SNX31: variants seen among roughly 807,000 people sequenced by gnomAD.
SNX31 encodes sorting nexin 31.
Under a neutral mutation model 65.4 loss-of-function variants are expected in SNX31, and 58 were observed. The observed-to-expected ratio is 0.89, with a 90% CI of 0.72 to 1.10. The LOEUF is 1.10. SNX31 is among the 50% of genes least tolerant of loss of function. The pLI is 0.00. For missense variants in SNX31, 523 were observed against 529.7 expected (o/e 0.99, Z 0.12); for synonymous variants, 181 against 190.1 (o/e 0.95, Z 0.39).
chr8:100,618,100 A>G (rs1817388922), intron 4 of SNX31: 1 of 985,318 alleles, frequency 1.0e-6, no homozygotes, highest in Non-Finnish European at 1.2e-6. Context: ...CCATTGCAGC[A>G]AGCGAACAAT....
intron 1 of SNX31, among the ~76,000 whole-genome samples, chr8:100,657,129 G>A (rs1820064532): frequency 6.6e-6 from 1 of 151,932 alleles, no homozygotes; most frequent in South Asian, 2.1e-4. Flanking sequence ...AGTGACACAA[G>A]ACTTGAATTA....
At chr8:100,581,076 G>A (rs1211692487) in intron 12 of SNX31, among the ~76,000 whole-genome samples, 7 of 148,612 alleles carry the variant, frequency 4.7e-5, no homozygotes, top group South Asian at 2.1e-4. Flanking sequence ...TGGGAGGATC[G>A]CTTGAGTTCA....
chr8:100,574,306 T>C (rs1435221504), intron 13 of SNX31, among the ~76,000 whole-genome samples: 3 of 152,200 alleles, frequency 2.0e-5, no homozygotes, highest in Non-Finnish European at 4.4e-5. Flanking sequence ...CCAAAATCTT[T>C]AGTGCACATT....
chr8:100,628,570 TCACACA>T (rs928811431), intron 4 of SNX31, among the ~76,000 whole-genome samples: 1 of 135,124 alleles, frequency 7.4e-6, no homozygotes, highest in African/African-American at 2.8e-5. Context: ...AAGGGGAACA[TCACACA>T]CTGGGGACTG....
chr8:100,608,581 G>A lies in SNX31; in HGVS notation c.612-18C>T. 1 of 1,613,150 alleles carries A rather than the reference G, an allele frequency of 6.2e-7. No homozygotes were observed. Among genetic ancestry groups the A allele is most frequent in the Non-Finnish European group, 8.5e-7 (1 of 1,179,276 alleles). On this transcript the variant is annotated intron_variant, in intron 7 of 13. Transcript: ENST00000311812. ...CCATATACCTGCAAAATTCAGGAGT[G>A]TGAAATTCATTCCTGTGACATGGCC...
chr8:100,584,250 T>A, intron 11 of SNX31, 62 bp from the exon 12 acceptor site: 1 of 1,365,282 alleles, frequency 7.3e-7, no homozygotes. Flanking sequence ...CTTTCTTCCC[T>A]CCTCACACCA....
At chr8:100,631,437 C>CCT (rs1818407724) in intron 3 of SNX31, among the ~76,000 whole-genome samples, 1 of 129,636 alleles carries the variant, frequency 7.7e-6, no homozygotes, top group South Asian at 2.4e-4. Context: ...TGCTGTTTTA[C>CCT]TTTTTTTTTT....
At chr8:100,631,205 C>T (rs1482510466) in intron 3 of SNX31, among the ~76,000 whole-genome samples, 1 of 151,906 alleles carries the variant, frequency 6.6e-6, no homozygotes, top group Non-Finnish European at 1.5e-5. Context: ...AATATTTTTA[C>T]CCTTAGTTTT....
At chr8:100,628,704 A>G (rs58553676) in intron 4 of SNX31, among the ~76,000 whole-genome samples, 36,854 of 151,780 alleles carry the variant, frequency 0.24, 4,628 homozygotes, top group African/African-American at 0.3. Flanking sequence ...ACAAACCTGC[A>G]TATTGTGCAC....
chr8:100,587,605 A>G (rs1347404643), intron 11 of SNX31, among the ~76,000 whole-genome samples: 1 of 152,234 alleles, frequency 6.6e-6, no homozygotes, highest in Non-Finnish European at 1.5e-5. Context: ...ATATAAATTC[A>G]GAGTCAGGAA....
At chr8:100,586,618 A>C (rs541719697) in intron 11 of SNX31, among the ~76,000 whole-genome samples, 1 of 152,332 alleles carries the variant, frequency 6.6e-6, no homozygotes, top group South Asian at 2.1e-4. Flanking sequence ...TGCCTTAGCA[A>C]ACCAGTCTAC....
chr8:100,635,108 C>T (rs1291280078), intron 3 of SNX31, among the ~76,000 whole-genome samples: 5 of 151,210 alleles, frequency 3.3e-5, no homozygotes, highest in Non-Finnish European at 7.4e-5. Flanking sequence ...GACATTTAGG[C>T]TGGGTGTGGT....
chr8:100,659,468 A>G (rs969820195), intron 1 of SNX31, among the ~76,000 whole-genome samples: 12 of 151,980 alleles, frequency 7.9e-5, no homozygotes, highest in Admixed American at 7.9e-4. Flanking sequence ...GGTCTCAGAG[A>G]CAGATATCTA....
In SNX31 at chr8:100,641,578, A is replaced by G. The variant is rs1819209068; in HGVS notation, c.142-5567T>C. Among the ~76,000 whole-genome samples, 4 of 36,670 alleles carry G rather than the reference A, an allele frequency of 1.1e-4. No homozygotes were observed. The South Asian group carries it at 4.4e-3, about 40-fold the overall frequency. 24.1% of individuals were successfully genotyped at this position (36,670 alleles called of 152,430 possible). ...AAAAAAAAAAAAAATATATATATAT[A>G]TATATATATATATATATACACATAC... On this transcript the variant is annotated intron_variant, in intron 2 of 13. Coordinates refer to ENST00000311812, the MANE Select transcript of SNX31 (RefSeq NM_152628.4).
chr8:100,641,545 C>CAAAAAAAAAAAAAAAAA (rs1173913088), intron 2 of SNX31, among the ~76,000 whole-genome samples: 1 of 10,260 alleles, frequency 9.7e-5, no homozygotes, highest in Non-Finnish European at 1.6e-4. Flanking sequence ...GACCTTGTCT[C>CAAAAAAAAAAAAAAAAA]AAAAAAAAAA....
At chr8:100,661,529 A>G (rs1488415630) in intron 1 of SNX31, among the ~76,000 whole-genome samples, 1 of 152,098 alleles carries the variant, frequency 6.6e-6, no homozygotes, top group Non-Finnish European at 1.5e-5. Context: ...TTAGTGGGAA[A>G]TAATGATAGC....
chr8:100,624,167 T>C (rs922340552), intron 4 of SNX31, among the ~76,000 whole-genome samples: 11 of 152,120 alleles, frequency 7.2e-5, no homozygotes, highest in African/African-American at 2.7e-4. Context: ...TGAAGAATAA[T>C]AGCTGGGTGC....
chr8:100,650,439 G>A (rs1819929990), upstream of SNX31, among the ~76,000 whole-genome samples: 1 of 152,122 alleles, frequency 6.6e-6, no homozygotes, highest in East Asian at 1.9e-4. Flanking sequence ...ACTTGTCCAA[G>A]CTCACAGGGC....
At chr8:100,650,067 C>T (rs1397344454), upstream of SNX31, among the ~76,000 whole-genome samples, 2 of 152,094 alleles carry the variant, frequency 1.3e-5, no homozygotes, top group African/African-American at 4.8e-5. Context: ...CCAGAAGCCC[C>T]CCCCAAATGG....
Sources: allele counts gnomAD v4.1 joint callset (sites outside exome capture counted in the v4.1 genomes callset), GRCh38; gene constraint gnomAD v4.1.1; transcripts MANE v1.5; gene names NCBI Gene and HGNC (gene_info 2026-07-23, HGNC 2026-07-21).